The following SCN11A variants were observed in gnomAD, a reference collection of about 807,000 sequenced individuals.
The protein encoded by SCN11A is sodium channel protein type 11 subunit alpha.
SCN11A carries 122 observed loss-of-function variants against 162.2 expected under a neutral mutation model. The observed-to-expected ratio is 0.75, with a 90% CI of 0.65 to 0.87. The LOEUF (loss-of-function observed/expected upper bound fraction) is 0.87. Ranked by LOEUF, SCN11A falls within the 40% of genes least tolerant of loss-of-function variation. The probability of loss-of-function intolerance (pLI) is 0.00; values close to 1 mark genes in which losing one functional copy is unlikely to be tolerated. For missense variants in SCN11A, 2,015 were observed against 2,181.6 expected (o/e 0.92, Z 1.52); for synonymous variants, 758 against 751.5 (o/e 1.01, Z -0.14).
chr3:38,882,208 C>T (rs958932117), intron 22 of SCN11A, among the ~76,000 whole-genome samples: 6 of 152,140 alleles, frequency 3.9e-5, no homozygotes, highest in Non-Finnish European at 8.8e-5. Context: ...TCACAGTCCC[C>T]GGTGGGCTCT....
chr3:38,862,059 T>C (rs1464637955), intron 28 of SCN11A, among the ~76,000 whole-genome samples: 1 of 151,472 alleles, frequency 6.6e-6, no homozygotes, highest in Non-Finnish European at 1.5e-5. Flanking sequence ...AACAATTCTA[T>C]CCAAAAGTAG....
At chr3:38,903,077 T>C (rs56142899) in intron 16 of SCN11A, among the ~76,000 whole-genome samples, 2,401 of 152,306 alleles carry the variant, frequency 0.016, 65 homozygotes, top group African/African-American at 0.055. Context: ...CAGCATTTAT[T>C]ATTTTTTAAA....
intron 4 of SCN11A, among the ~76,000 whole-genome samples, chr3:38,951,457 G>T (rs2066614787): frequency 6.6e-6 from 1 of 152,236 alleles, no homozygotes; most frequent in Non-Finnish European, 1.5e-5. Flanking sequence ...CTCCTGTGCG[G>T]CCGGAGCCTC....
At chr3:38,898,069 C>T (rs1213023411) in intron 17 of SCN11A, among the ~76,000 whole-genome samples, 1 of 151,840 alleles carries the variant, frequency 6.6e-6, no homozygotes, top group African/African-American at 2.4e-5. Flanking sequence ...AAACCCCCAT[C>T]TCTACAAAAA....
chr3:38,880,577 G>A (rs4336049), intron 22 of SCN11A, among the ~76,000 whole-genome samples: 88,105 of 151,872 alleles, frequency 0.58, 26,742 homozygotes, highest in African/African-American at 0.78. Flanking sequence ...GCCTTAGCCC[G>A]TTCTCTAAAT....
intron 7 of SCN11A, among the ~76,000 whole-genome samples, chr3:38,930,837 G>A (rs184884172): frequency 5.3e-4 from 80 of 152,218 alleles, no homozygotes; most frequent in African/African-American, 1.8e-3. Flanking sequence ...ACTTCCAGGG[G>A]AGAGCAACAG....
chr3:38,985,268 CA>C (rs1284596707), intron 2 of SCN11A, among the ~76,000 whole-genome samples: 1 of 148,486 alleles, frequency 6.7e-6, no homozygotes, highest in African/African-American at 2.6e-5. Flanking sequence ...GCTGGGACTA[CA>C]GGCACCCGCC....
At position 38,879,997 on chromosome 3, in the gene SCN11A, T is replaced by G. The variant is rs1420902614; in HGVS notation, c.3346A>C (p.Lys1116Gln). Reference sequence around the variant, plus strand: ...CAGCACCAGGCACTGGTGAAATACTTTCCAAATCCGAAGGCTACCCATTTT... The same window carrying G: ...CAGCACCAGGCACTGGTGAAATACTGTCCAAATCCGAAGGCTACCCATTTT... ...VLKWVAFGFG[K>Q]YFTSAWCCLD... is the part of the protein sequence containing the mutation. The change falls in exon 23 of 30, where the codon AAG becomes CAG. Residue 1116 changes from lysine to glutamine, a missense_variant. Transcript: ENST00000302328. The G allele has an allele frequency of 6.2e-7, 1 of 1,613,072 alleles. No homozygotes were observed. The highest frequency in any genetic ancestry group is 8.5e-7 in the Non-Finnish European group (1 of 1,179,428).
intron 22 of SCN11A, among the ~76,000 whole-genome samples, chr3:38,880,780 C>A (rs1477146566): frequency 1.3e-5 from 2 of 152,138 alleles, no homozygotes; most frequent in East Asian, 3.8e-4. Flanking sequence ...AAAAAGAGAT[C>A]CTGGCTTTCA....
intron 27 of SCN11A, among the ~76,000 whole-genome samples, chr3:38,866,402 TAG>T (rs1350290172): frequency 1.3e-5 from 2 of 152,244 alleles, no homozygotes; most frequent in East Asian, 3.9e-4. Context: ...GTATTTTTAG[TAG>T]AGACTGGGTT....
At chr3:39,028,965 A>G (rs1415115191) in intron 2 of SCN11A, among the ~76,000 whole-genome samples, 3 of 152,232 alleles carry the variant, frequency 2.0e-5, no homozygotes, top group Non-Finnish European at 4.4e-5. Flanking sequence ...GGGACAAGTC[A>G]TATTCAAGCC....
At chr3:38,853,013 G>C (rs1379835251) in intron 28 of SCN11A, among the ~76,000 whole-genome samples, 2 of 152,210 alleles carry the variant, frequency 1.3e-5, no homozygotes, top group Non-Finnish European at 2.9e-5. Context: ...TTCCAGATAA[G>C]CCATGTGATA....
At chr3:38,920,684 C>CAAAAAAAA (rs36096755) in intron 10 of SCN11A, among the ~76,000 whole-genome samples, 1 of 55,992 alleles carries the variant, frequency 1.8e-5, no homozygotes. Flanking sequence ...GACTCCATCT[C>CAAAAAAAA]AAAAAAAAAA....
chr3:39,051,133 A>T (rs200177895), intron 1 of SCN11A, among the ~76,000 whole-genome samples: 43 of 145,698 alleles, frequency 3.0e-4, no homozygotes, highest in African/African-American at 8.0e-4. Flanking sequence ...TTTTTTTTTT[A>T]AACTTTTAAG....
intron 2 of SCN11A, among the ~76,000 whole-genome samples, chr3:39,012,543 C>T (rs370276854): frequency 6.2e-5 from 9 of 144,852 alleles, no homozygotes; most frequent in African/African-American, 2.1e-4. Context: ...TGCAGTGATG[C>T]TATCTTGGCT....
chr3:39,010,678 C>G (rs117403084), intron 2 of SCN11A, among the ~76,000 whole-genome samples: 1 of 152,072 alleles, frequency 6.6e-6, no homozygotes, highest in South Asian at 2.1e-4. Context: ...ACTCCCAGCC[C>G]GTGAGCCACC....
intron 7 of SCN11A, among the ~76,000 whole-genome samples, chr3:38,936,038 A>T (rs1159247088): frequency 6.6e-6 from 1 of 152,188 alleles, no homozygotes; most frequent in Non-Finnish European, 1.5e-5. Context: ...AGTGGGCTTC[A>T]TCCCTGGGAT....
At chr3:38,945,644 G>T in intron 6 of SCN11A, 132 bp from the exon 7 acceptor site, 1 of 553,766 alleles carries the variant, frequency 1.8e-6, no homozygotes, top group Non-Finnish European at 3.1e-6. Context: ...AATGTTGGAT[G>T]AGAACAACTC....
chr3:38,947,301 G>T (rs1368131132), intron 5 of SCN11A, among the ~76,000 whole-genome samples: 1 of 152,186 alleles, frequency 6.6e-6, no homozygotes, highest in African/African-American at 2.4e-5. Context: ...GTGACCTAAA[G>T]GGTCCATGTT....
Sources: gnomAD v4.1 joint callset for allele counts (sites outside exome capture counted in the v4.1 genomes callset) on GRCh38, gnomAD v4.1.1 for gene constraint, MANE v1.5 for transcripts, NCBI Gene and HGNC (gene_info 2026-07-23, HGNC 2026-07-21) for gene names.